Variants in SORCS2 observed in about 807,000 individuals in gnomAD.
SORCS2 encodes VPS10 domain-containing receptor SorCS2.
A neutral mutation model predicts 141.6 loss-of-function variants in SORCS2; 100 were observed. The ratio of observed to expected loss-of-function variants is 0.71; its 90% CI spans 0.60 to 0.83. The LOEUF is 0.83. Among genes scored for constraint, SORCS2 ranks in the 40% least tolerant of loss-of-function variants. The pLI is 0.00. For synonymous variants in SORCS2, 789 were observed against 676.9 expected (o/e 1.17, Z -2.57); for missense variants, 1,646 against 1,560.2 (o/e 1.05, Z -0.93).
chr4:7,465,471 C>T (rs544920619), intron 2 of SORCS2, among the ~76,000 whole-genome samples: 57 of 152,104 alleles, frequency 3.7e-4, no homozygotes, highest in South Asian at 6.3e-4. Flanking sequence ...CTGTGCAAGG[C>T]GCCAGGGTGG....
intron 1 of SORCS2, among the ~76,000 whole-genome samples, chr4:7,305,676 T>C (rs1717769706): frequency 6.6e-6 from 1 of 152,152 alleles, no homozygotes; most frequent in Non-Finnish European, 1.5e-5. Context: ...GCTTCCAAGG[T>C]GGTCCAATAC....
chr4:7,362,716 T>C (rs1470277533), intron 1 of SORCS2, among the ~76,000 whole-genome samples: 1 of 151,190 alleles, frequency 6.6e-6, no homozygotes, highest in East Asian at 1.9e-4. Flanking sequence ...ACCACCATCA[T>C]TACCACCAGC....
chr4:7,240,730 C>G lies in SORCS2; in HGVS notation c.480+47604C>G, dbSNP rs183631889. ...GAAGCTGCAACTTGTAAACCTCCCCCTGAAGGGGCAGTGAGAGTGACCATG... is the reference window on the plus strand; with the variant it reads ...GAAGCTGCAACTTGTAAACCTCCCCGTGAAGGGGCAGTGAGAGTGACCATG... On this transcript the variant is annotated intron_variant, in intron 1 of 26. Coordinates refer to ENST00000507866, the MANE Select transcript of SORCS2 (RefSeq NM_020777.3). Among the ~76,000 whole-genome samples, 64 of 152,298 alleles carry G rather than the reference C, an allele frequency of 4.2e-4. No individual in the cohort carries two copies. In the East Asian group the frequency reaches 0.01, roughly 25 times the overall value.
intron 2 of SORCS2, among the ~76,000 whole-genome samples, chr4:7,525,856 C>A (rs1560356210): frequency 7.1e-6 from 1 of 140,954 alleles, no homozygotes; most frequent in African/African-American, 2.7e-5. Context: ...CCTGCAGTCA[C>A]CTGTCCCCTC....
chr4:7,301,574 C>A (rs1262191243), intron 1 of SORCS2, among the ~76,000 whole-genome samples: 2 of 152,344 alleles, frequency 1.3e-5, no homozygotes, highest in East Asian at 1.9e-4. Flanking sequence ...GCACCCTCGA[C>A]CCTTCTCCCC....
intron 1 of SORCS2, among the ~76,000 whole-genome samples, chr4:7,226,694 T>G (rs1024541989): frequency 1.3e-5 from 2 of 152,128 alleles, no homozygotes; most frequent in African/African-American, 4.8e-5. Flanking sequence ...GAGGTTAAGA[T>G]GCAGTGGCCC....
intron 3 of SORCS2, among the ~76,000 whole-genome samples, chr4:7,555,443 G>T (rs1383909701): frequency 6.6e-6 from 1 of 152,216 alleles, no homozygotes; most frequent in African/African-American, 2.4e-5. Context: ...AGCCCTTGCT[G>T]GCAGAGGAAT....
chr4:7,706,271 C>T (rs377458346), intron 14 of SORCS2, among the ~76,000 whole-genome samples: 44 of 92,776 alleles, frequency 4.7e-4, no homozygotes, highest in Non-Finnish European at 7.5e-4. Flanking sequence ...CTGGGCTCCG[C>T]CTGGGCAGGG....
chr4:7,389,167 C>T (rs1306070456), intron 1 of SORCS2, among the ~76,000 whole-genome samples: 1 of 152,198 alleles, frequency 6.6e-6, no homozygotes, highest in East Asian at 1.9e-4. Flanking sequence ...TTCCCTCAGT[C>T]CCTGGCAGTG....
intron 1 of SORCS2, among the ~76,000 whole-genome samples, chr4:7,317,209 C>T (rs981153321): frequency 9.2e-5 from 14 of 152,132 alleles, no homozygotes; most frequent in African/African-American, 2.7e-4. Context: ...ACAAAGCTGC[C>T]GGTGACTATA....
At chr4:7,600,949 G>C (rs546057082) in intron 3 of SORCS2, among the ~76,000 whole-genome samples, 348 of 152,216 alleles carry the variant, frequency 2.3e-3, no homozygotes, top group African/African-American at 8.2e-3. Flanking sequence ...GCAATGGCAT[G>C]GTCTCAGCTC....
At chr4:7,227,959 G>A (rs1035607359) in intron 1 of SORCS2, among the ~76,000 whole-genome samples, 1 of 152,206 alleles carries the variant, frequency 6.6e-6, no homozygotes, top group African/African-American at 2.4e-5. Flanking sequence ...GTGAGGCAGG[G>A]GGTGGCGGGA....
At chr4:7,341,518 G>A (rs1427708779) in intron 1 of SORCS2, among the ~76,000 whole-genome samples, 1 of 152,200 alleles carries the variant, frequency 6.6e-6, no homozygotes, top group African/African-American at 2.4e-5. Context: ...GGCTGTAAGA[G>A]GCCTGGCAGC....
intron 2 of SORCS2, among the ~76,000 whole-genome samples, chr4:7,403,577 G>A (rs74963828): frequency 0.018 from 2,770 of 152,030 alleles, 85 homozygotes; most frequent in African/African-American, 0.064. Context: ...AATACATATG[G>A]TGTGGTCATA....
intron 2 of SORCS2, among the ~76,000 whole-genome samples, chr4:7,491,500 G>A (rs1047662674): frequency 6.6e-6 from 1 of 152,212 alleles, no homozygotes; most frequent in Non-Finnish European, 1.5e-5. Flanking sequence ...GCGGCATGGC[G>A]TAAGCAGCTG....
intron 2 of SORCS2, among the ~76,000 whole-genome samples, chr4:7,463,651 G>A (rs1338608799): frequency 1.3e-5 from 2 of 152,200 alleles, no homozygotes; most frequent in Admixed American, 1.3e-4. Flanking sequence ...GGAAAAATAA[G>A]ATCAGTGATT....
intron 2 of SORCS2, among the ~76,000 whole-genome samples, chr4:7,403,264 G>T (rs1724713011): frequency 6.6e-6 from 1 of 152,134 alleles, no homozygotes; most frequent in Non-Finnish European, 1.5e-5. Context: ...TGGCTGATGG[G>T]CTTGGGTCTG....
intron 1 of SORCS2, among the ~76,000 whole-genome samples, chr4:7,267,028 C>T (rs1328504631): frequency 6.6e-6 from 1 of 152,226 alleles, no homozygotes; most frequent in East Asian, 1.9e-4. Flanking sequence ...GCCCTCTGAA[C>T]GCAGGCTGCT....
Position 7,723,774 on chromosome 4 carries a change from C to A in SORCS2, c.2502C>A (p.Thr834=), listed in dbSNP as rs566460730. 1 of 1,613,822 alleles carries A rather than the reference C, an allele frequency of 6.2e-7. No homozygotes were observed. The highest frequency in any genetic ancestry group is 1.3e-5 in the African/African-American group (1 of 74,926). ...CCATGTACGTGAACCTTACACTGAC[C>A]GGGGAGCCCATCCGGCACCGCTACG... is the stretch of plus-strand genomic sequence containing the variant. The part of the protein sequence containing the change: ...FKAMYVNLTL[T]GEPIRHRYES... The change falls in exon 19 of 27, where the codon ACC becomes ACA. Residue 834 remains threonine, a synonymous_variant. Coordinates refer to ENST00000507866, the MANE Select transcript of SORCS2 (RefSeq NM_020777.3).
Sources: gnomAD v4.1 joint callset for allele counts (sites outside exome capture counted in the v4.1 genomes callset) on GRCh38, gnomAD v4.1.1 for gene constraint, MANE v1.5 for transcripts, NCBI Gene and HGNC (gene_info 2026-07-23, HGNC 2026-07-21) for gene names.